Variants in NUAK1 observed in about 807,000 individuals in gnomAD.
NUAK1 encodes NUAK family kinase 1.
In NUAK1, 26 loss-of-function variants were observed where a neutral mutation model predicts 56.9. The observed-to-expected ratio is 0.46, with a 90% CI of 0.33 to 0.63. NUAK1 has a LOEUF of 0.63. Among genes scored for constraint, NUAK1 ranks in the 30% least tolerant of loss-of-function variants. NUAK1 has a pLI of 0.02. For synonymous variants in NUAK1, 337 were observed against 336.0 expected, an observed-to-expected ratio of 1.00 and a Z score of -0.03; for missense variants, 727 against 876.1, an observed-to-expected ratio of 0.83 and a Z score of 2.15.
intron 3 of NUAK1, among the ~76,000 whole-genome samples, chr12:106,085,844 C>A (rs1167966976): frequency 6.6e-6 from 1 of 152,014 alleles, no homozygotes; most frequent in African/African-American, 2.4e-5. Flanking sequence ...ACAGCTGGGA[C>A]TACAGGTGCG....
At chr12:106,103,101 T>G (rs1447998028) in intron 2 of NUAK1, 1 of 152,336 alleles carries the variant, frequency 6.6e-6, no homozygotes, top group Non-Finnish European at 1.5e-5. Flanking sequence ...GGTTTGTCTC[T>G]GATCTTCTCT....
At chr12:106,077,449 A>G (rs956892656) in intron 4 of NUAK1, among the ~76,000 whole-genome samples, 5 of 152,244 alleles carry the variant, frequency 3.3e-5, no homozygotes, top group African/African-American at 4.8e-5. Context: ...CGTTTGTTAG[A>G]CCAGGCAAAC....
At chr12:106,078,488 C>T (rs960817650) in intron 4 of NUAK1, among the ~76,000 whole-genome samples, 6 of 152,146 alleles carry the variant, frequency 3.9e-5, no homozygotes, top group Non-Finnish European at 8.8e-5. Context: ...AGGTGGCTGA[C>T]GAGGAAATGC....
intron 6 of NUAK1, among the ~76,000 whole-genome samples, chr12:106,069,123 A>G (rs1330138326): frequency 2.0e-5 from 3 of 152,212 alleles, no homozygotes; most frequent in Non-Finnish European, 4.4e-5. Context: ...GTCTAGCCTG[A>G]TTATCCATAG....
rs3741884 is a variant in NUAK1 at position 106,067,982 on chromosome 12, G to A, written c.833-27C>T. The A allele has an allele frequency of 0.16, 257,923 of 1,567,726 alleles. 22,697 individuals carry two copies. Among genetic ancestry groups the A allele is most frequent in the Admixed American group, 0.24 (13,549 of 55,670 alleles). ...TAAGGGACAAGGGACAAAAAGAATC[G>A]GGCATTATGTGGGAGCTTCTGGCTT... On this transcript the variant is annotated intron_variant, in intron 6 of 6. Coordinates refer to ENST00000261402, the MANE Select transcript of NUAK1 (RefSeq NM_014840.3). The surrounding 1 kb of genome is among the most constrained non-coding windows in gnomAD (Gnocchi z 6.0).
In NUAK1 at chr12:106,063,862, G is replaced by C. The variant is rs2032307037; in HGVS notation, c.*2940C>G. 1 of 152,590 alleles carries C rather than the reference G, an allele frequency of 6.6e-6. No individual in the cohort carries two copies. Among genetic ancestry groups the C allele is most frequent in the African/African-American group, 2.4e-5 (1 of 41,426 alleles). 9.5% of individuals were successfully genotyped at this position (152,590 alleles called of 1,614,324 possible). A position where few individuals can be genotyped will look rare whatever the true frequency, so the allele number is the denominator to read the frequency against. ...ACTCGCCTGAATTTCACCCTGAAAA[G>C]TGCTCCCCATCATCTGAAGAAGCAG... is the stretch of plus-strand genomic sequence containing the variant. On this transcript the variant is annotated 3_prime_UTR_variant, in exon 7 of 7. Transcript: ENST00000261402.
rs2032303547 is a variant in NUAK1 at position 106,063,545 on chromosome 12, A to G, written c.*3257T>C. 1 of 152,640 alleles carries G rather than the reference A, an allele frequency of 6.6e-6. No individual in the cohort carries two copies. The highest frequency in any genetic ancestry group is 1.5e-5 in the Non-Finnish European group (1 of 68,046). The allele number at this position is 152,640 out of a possible 1,614,324, so 9.5% of individuals were successfully genotyped here. A position where few individuals can be genotyped will look rare whatever the true frequency, so the allele number is the denominator to read the frequency against. On this transcript the variant is annotated 3_prime_UTR_variant, in exon 7 of 7. Coordinates refer to ENST00000261402, the MANE Select transcript of NUAK1 (RefSeq NM_014840.3). The stretch of plus-strand genomic sequence containing the variant: ...AGGAGCCATAAAGCATGTTGCACCA[A>G]TTAAATTACACCAATATATTATTAT...
At chr12:106,108,387 A>G (rs2032825309) in intron 1 of NUAK1, among the ~76,000 whole-genome samples, 1 of 152,186 alleles carries the variant, frequency 6.6e-6, no homozygotes, top group South Asian at 2.1e-4. Context: ...AGGAGGCTGC[A>G]TGGAGATGAA....
chr12:106,072,664 C>T (rs780105544), intron 5 of NUAK1, 60 bp downstream of exon 5: 11 of 1,526,326 alleles, frequency 7.2e-6, no homozygotes, highest in East Asian at 4.6e-5. Context: ...CCAGTTTTTG[C>T]CCTTCCTCCC....
chr12:106,098,924 T>A (rs1291185276), intron 2 of NUAK1, among the ~76,000 whole-genome samples: 1 of 152,232 alleles, frequency 6.6e-6, no homozygotes, highest in Non-Finnish European at 1.5e-5. Context: ...TCAGCTTTTT[T>A]TTCCATATTG....
intron 1 of NUAK1, among the ~76,000 whole-genome samples, chr12:106,108,499 C>G (rs576917197): frequency 2.8e-4 from 41 of 145,900 alleles, no homozygotes; most frequent in Middle Eastern, 3.4e-3. Flanking sequence ...AGAAAAACTT[C>G]CCTTCACTTA....
At chr12:106,137,677 C>A (rs1378652543) in intron 1 of NUAK1, among the ~76,000 whole-genome samples, 1 of 152,206 alleles carries the variant, frequency 6.6e-6, no homozygotes, top group Non-Finnish European at 1.5e-5. Context: ...CGGGGCCAGA[C>A]CCCTTCAGCG....
At chr12:106,070,719 G>C in intron 6 of NUAK1, 55 bp downstream of exon 6, 1 of 1,605,102 alleles carries the variant, frequency 6.2e-7, no homozygotes, top group African/African-American at 1.3e-5. Context: ...ATAAGAGTTG[G>C]GTAAGCAGAT....
chr12:106,072,796 TAAG>T lies in NUAK1; in HGVS notation c.624_626del (p.Phe208del). ...AGAGTGGACTCCCACAAAACGTTTG[TAAG>T]AACTTATCCTTCTGGTACAGGTTGG... On this transcript the variant is annotated inframe_deletion, in exon 5 of 7. Transcript: ENST00000261402. 6.2e-7 allele frequency: 1 copy of T among 1,614,078 alleles called. No homozygotes were observed. Among genetic ancestry groups the T allele is most frequent in the Non-Finnish European group, 8.5e-7 (1 of 1,179,982 alleles).
At chr12:106,085,041 C>T (rs1490603125) in intron 3 of NUAK1, among the ~76,000 whole-genome samples, 1 of 152,176 alleles carries the variant, frequency 6.6e-6, no homozygotes, top group African/African-American at 2.4e-5. Context: ...CTAATTCAAG[C>T]CTGCAATGAG....
At chr12:106,115,041 G>A (rs897560086) in intron 1 of NUAK1, among the ~76,000 whole-genome samples, 11 of 152,102 alleles carry the variant, frequency 7.2e-5, no homozygotes, top group South Asian at 2.1e-4. Context: ...CCATGAATAC[G>A]CATACTTGGG....
chr12:106,127,687 T>C (rs1057027262), intron 1 of NUAK1, among the ~76,000 whole-genome samples: 29 of 152,162 alleles, frequency 1.9e-4, no homozygotes, highest in Non-Finnish European at 5.9e-5. Flanking sequence ...TACTTCCTGC[T>C]TTCCCCAGCA....
intron 2 of NUAK1, among the ~76,000 whole-genome samples, chr12:106,088,913 GCCAAACCTC>G (rs1167180535): frequency 6.6e-6 from 1 of 152,174 alleles, no homozygotes; most frequent in Non-Finnish European, 1.5e-5. Flanking sequence ...TTCAAGTCCA[GCCAAACCTC>G]CCTGATAAAA....
chr12:106,086,895 G>A lies in NUAK1; in HGVS notation c.362-10C>T. The stretch of plus-strand genomic sequence containing the variant: ...TCTTTGTTCTCAAACACTGCAGAGG[G>A]AAAACAGCAATACACAAACACCCCG... On this transcript the variant is annotated splice_polypyrimidine_tract_variant and intron_variant, in intron 2 of 6. Coordinates refer to ENST00000261402, the MANE Select transcript of NUAK1 (RefSeq NM_014840.3). 6.2e-7 allele frequency: 1 copy of A among 1,609,062 alleles called. No homozygotes were observed. Among genetic ancestry groups the A allele is most frequent in the Non-Finnish European group, 8.5e-7 (1 of 1,175,978 alleles).
Sources: gnomAD v4.1 joint callset for allele counts (sites outside exome capture counted in the v4.1 genomes callset) on GRCh38, gnomAD v4.1.1 for gene constraint, Gnocchi (gnomAD v3.1) non-coding constraint, MANE v1.5 for transcripts, NCBI Gene and HGNC (gene_info 2026-07-23, HGNC 2026-07-21) for gene names.